The following RGPD3 variants were observed in gnomAD, a reference collection of about 807,000 sequenced individuals.
RGPD3 encodes ranBP2-like and GRIP domain-containing protein 3.
In RGPD3, 62 loss-of-function variants were observed where a neutral mutation model predicts 154.5. The observed-to-expected ratio is 0.40, with a 90% CI of 0.33 to 0.50. RGPD3 has a LOEUF of 0.50. Among genes scored for constraint, RGPD3 ranks in the 20% least tolerant of loss-of-function variants. RGPD3 has a pLI of 0.59. For synonymous variants in RGPD3, 308 were observed against 607.0 expected (o/e 0.51, Z 7.24); for missense variants, 919 against 1,716.8 (o/e 0.54, Z 8.21).
At chr2:106,421,956 A>G (rs1005317922) in intron 20 of RGPD3, among the ~76,000 whole-genome samples, 9 of 150,948 alleles carry the variant, frequency 6.0e-5, no homozygotes, top group African/African-American at 2.2e-4. Context: ...ATTCTTTGAC[A>G]TGCATGTTGT....
Position 106,436,107 on chromosome 2 carries a change from A to G in RGPD3, c.1758+16T>C. On this transcript the variant is annotated intron_variant, in intron 12 of 22. Transcript: ENST00000409886. ...AAGGTAATGTTCTTTTAAAATGCTTATACTTTAAAACTCACCATTTTCTGA... is the reference window on the plus strand; with the variant it reads ...AAGGTAATGTTCTTTTAAAATGCTTGTACTTTAAAACTCACCATTTTCTGA... The G allele has an allele frequency of 6.3e-7, 1 of 1,590,056 alleles. No homozygotes were observed. The highest frequency in any genetic ancestry group is 8.5e-7 in the Non-Finnish European group (1 of 1,172,940).
Position 106,438,084 on chromosome 2 carries a change from C to T in RGPD3, c.1276+884G>A, listed in dbSNP as rs1364386687. Among the ~76,000 whole-genome samples, 4 of 152,064 alleles carry T rather than the reference C, an allele frequency of 2.6e-5. No homozygotes were observed. The East Asian group carries it at 7.8e-4, about 30-fold the overall frequency. ...TAGGGACTACAGGCACATGCCACCA[C>T]CCCCGGATAATTTTTGTATTTTTAG... On this transcript the variant is annotated intron_variant, in intron 9 of 22. Coordinates refer to ENST00000409886, the MANE Select transcript of RGPD3 (RefSeq NM_001144013.2).
At chr2:106,405,505 A>T (rs1676488182) in intron 22 of RGPD3, among the ~76,000 whole-genome samples, 1 of 151,020 alleles carries the variant, frequency 6.6e-6, no homozygotes, top group Non-Finnish European at 1.5e-5. Context: ...CCTCCCAAGC[A>T]ACTGGGACCA....
At chr2:106,433,048 C>A (rs758645391) in intron 16 of RGPD3, 30 bp from the exon 17 acceptor site, 3 of 1,610,574 alleles carry the variant, frequency 1.9e-6, no homozygotes, top group Non-Finnish European at 2.5e-6. Flanking sequence ...AACAAAAGAG[C>A]ATTTAAAACA....
chr2:106,466,991 G>A (rs1374968848), intron 1 of RGPD3, among the ~76,000 whole-genome samples: 1 of 127,144 alleles, frequency 7.9e-6, no homozygotes, highest in Non-Finnish European at 1.7e-5. Flanking sequence ...GGTCGAGGCT[G>A]CCGCCGCCTG....
intron 1 of RGPD3, among the ~76,000 whole-genome samples, chr2:106,462,579 G>C (rs1041259409): frequency 2.0e-5 from 3 of 152,080 alleles, no homozygotes; most frequent in African/African-American, 7.2e-5. Flanking sequence ...AAGACCCTAA[G>C]AGATGCCACA....
rs562388770 is a variant in RGPD3 at position 106,428,628 on chromosome 2, C to T, written c.2605+1018G>A. On this transcript the variant is annotated intron_variant, in intron 18 of 22. Coordinates refer to ENST00000409886, the MANE Select transcript of RGPD3 (RefSeq NM_001144013.2). ...GGGTTGCCTTAACTATATGAACCAT[C>T]ACACAAATGTGCTCATCTAAACCAG... is the stretch of plus-strand genomic sequence containing the variant. Among the ~76,000 whole-genome samples, 863 of 151,946 alleles carry T rather than the reference C, an allele frequency of 5.7e-3. 2 individuals carry two copies. Among genetic ancestry groups the T allele is most frequent in the Non-Finnish European group, 7.6e-3 (515 of 67,988 alleles).
chr2:106,455,071 T>A (rs1338948692), intron 4 of RGPD3, among the ~76,000 whole-genome samples: 10 of 152,212 alleles, frequency 6.6e-5, no homozygotes, highest in Non-Finnish European at 7.3e-5. Context: ...GAGGCCAAAG[T>A]GGGTGGATCA....
chr2:106,420,783 G>T (rs1282735998), intron 20 of RGPD3, among the ~76,000 whole-genome samples: 1 of 152,130 alleles, frequency 6.6e-6, no homozygotes, highest in Non-Finnish European at 1.5e-5. Flanking sequence ...ATTTATTTAT[G>T]TATTTATTTG....
At chr2:106,441,498 T>G in intron 7 of RGPD3, 118 bp from the exon 8 acceptor site, 1 of 1,085,688 alleles carries the variant, frequency 9.2e-7, no homozygotes, top group African/African-American at 1.6e-5. Flanking sequence ...AACCATTAAT[T>G]AAACTGAATT....
intron 1 of RGPD3, among the ~76,000 whole-genome samples, chr2:106,464,905 T>A (rs2104524104): frequency 6.8e-6 from 1 of 147,848 alleles, no homozygotes; most frequent in East Asian, 2.1e-4. Flanking sequence ...GTATTTTTAA[T>A]AGAGATGGAT....
At chr2:106,421,153 T>G (rs1676973802) in intron 20 of RGPD3, among the ~76,000 whole-genome samples, 2 of 152,152 alleles carry the variant, frequency 1.3e-5, no homozygotes, top group Admixed American at 1.3e-4. Context: ...AAAGACACCT[T>G]GGGTAAATCA....
At chr2:106,410,254 G>T (rs919236913) in intron 22 of RGPD3, among the ~76,000 whole-genome samples, 7 of 152,010 alleles carry the variant, frequency 4.6e-5, no homozygotes, top group Non-Finnish European at 8.8e-5. Flanking sequence ...TTATAATAAG[G>T]TCTCTTTTAT....
intron 1 of RGPD3, among the ~76,000 whole-genome samples, chr2:106,461,600 C>T (rs1051585556): frequency 1.3e-5 from 2 of 150,818 alleles, no homozygotes; most frequent in Admixed American, 6.6e-5. Flanking sequence ...TAAGTAAAAC[C>T]ACGTAAGGCA....
rs1677114443 is a variant in RGPD3, at chr2:106,424,388, C to G, written c.3579G>C (p.Gln1193His). 1 of 1,611,462 alleles carries G rather than the reference C, an allele frequency of 6.2e-7. No individual in the cohort carries two copies. Among genetic ancestry groups the G allele is most frequent in the East Asian group, 2.2e-5 (1 of 44,824 alleles). The change falls in exon 20 of 23, where the codon CAG (glutamine) becomes CAC (histidine). Residue 1193 changes from glutamine (Q) to histidine (H), a missense_variant. Transcript: ENST00000409886. Reference sequence around the variant, plus strand: ...GTCCACTCTTCATTTCTTCAGCTCTCTGTATTAACTTGGCAGCTCTGCCAG... The same window carrying G: ...GTCCACTCTTCATTTCTTCAGCTCTGTGTATTAACTTGGCAGCTCTGCCAG... ...VDTGRAAKLI[Q>H]RAEEMKSGLK...
intron 20 of RGPD3, among the ~76,000 whole-genome samples, chr2:106,422,449 C>A (rs1377085100): frequency 6.9e-6 from 1 of 145,860 alleles, no homozygotes; most frequent in Non-Finnish European, 1.5e-5. Context: ...GGCATGATTT[C>A]AGCTCACTGC....
intron 22 of RGPD3, among the ~76,000 whole-genome samples, chr2:106,406,837 A>G (rs1676532559): frequency 6.6e-6 from 1 of 152,126 alleles, no homozygotes; most frequent in South Asian, 2.1e-4. Flanking sequence ...TGACAGTTTG[A>G]CCTTAGGCAG....
intron 20 of RGPD3, among the ~76,000 whole-genome samples, chr2:106,420,811 G>A (rs1676960773): frequency 6.6e-6 from 1 of 152,174 alleles, no homozygotes; most frequent in African/African-American, 2.4e-5. Flanking sequence ...GTCTTCCTTT[G>A]TCACCCAGAG....
In RGPD3 at chr2:106,436,253, A is replaced by C. The variant is rs1677548815; in HGVS notation, c.1635-7T>G. The C allele has an allele frequency of 6.2e-7, 1 of 1,611,806 alleles. No homozygotes were observed. The highest frequency in any genetic ancestry group is 1.3e-5 in the African/African-American group (1 of 74,838). On this transcript the variant is annotated splice_region_variant and splice_polypyrimidine_tract_variant and intron_variant, in intron 11 of 22. Transcript: ENST00000409886. ...TTTTGCTGAGTTTCCAGGTCTAAAA[A>C]ATAGTTCAATTTACTAAAATTGCTT...
Sources: allele counts gnomAD v4.1 joint callset (sites outside exome capture counted in the v4.1 genomes callset), GRCh38; gene constraint gnomAD v4.1.1; transcripts MANE v1.5; gene names NCBI Gene and HGNC (gene_info 2026-07-23, HGNC 2026-07-21).